The following SPIDR variants were observed in gnomAD, a reference collection of about 807,000 sequenced individuals.
The protein encoded by SPIDR is DNA repair-scaffolding protein.
SPIDR carries 93 observed loss-of-function variants against 104.6 expected under a neutral mutation model. The observed-to-expected ratio is 0.89, with a 90% CI of 0.75 to 1.06. The LOEUF (loss-of-function observed/expected upper bound fraction) is 1.06, where lower values mean the gene tolerates loss of function less well. Ranked by LOEUF, SPIDR falls within the 50% of genes least tolerant of loss-of-function variation. The pLI is 0.00. For synonymous variants in SPIDR, 431 were observed against 416.9 expected, an observed-to-expected ratio of 1.03 and a Z score of -0.41; for missense variants, 1,154 against 1,111.2, an observed-to-expected ratio of 1.04 and a Z score of -0.55.
chr8:47,578,164 T>C (rs2059335733), intron 8 of SPIDR, among the ~76,000 whole-genome samples: 1 of 152,212 alleles, frequency 6.6e-6, no homozygotes, highest in Non-Finnish European at 1.5e-5. Flanking sequence ...TAAAGGTTGC[T>C]ACTCATGATT....
chr8:47,645,583 A>G (rs1466667471), intron 10 of SPIDR, among the ~76,000 whole-genome samples: 1 of 152,218 alleles, frequency 6.6e-6, no homozygotes, highest in Non-Finnish European at 1.5e-5. Context: ...ACACTGTAAG[A>G]TAAATAACAT....
At chr8:47,277,079 C>CA (rs2036583447) in intron 1 of SPIDR, 1 of 152,094 alleles carries the variant, frequency 6.6e-6, no homozygotes, top group Non-Finnish European at 1.5e-5. Context: ...CAGGCATGCG[C>CA]CACCACGCCT....
At chr8:47,484,036 G>A (rs1465462789) in intron 8 of SPIDR, among the ~76,000 whole-genome samples, 4 of 152,064 alleles carry the variant, frequency 2.6e-5, no homozygotes, top group Non-Finnish European at 4.4e-5. Flanking sequence ...CGATTTCTAT[G>A]ATTGTCTATT....
rs1031115203 is a variant in SPIDR at position 47,293,105 on chromosome 8, G to C, written c.362-762G>C. Among the ~76,000 whole-genome samples the C allele has an allele frequency of 1.8e-4, 27 of 152,048 alleles. 1 individual carries two copies. Among genetic ancestry groups the C allele is most frequent in the Non-Finnish European group, 2.9e-5 (2 of 68,012 alleles). On this transcript the variant is annotated intron_variant, in intron 4 of 19. Coordinates refer to ENST00000297423, the MANE Select transcript of SPIDR (RefSeq NM_001080394.4). ...CATCTGCTTCTCTCAGTGGTGGTCT[G>C]ACCTTCGGTCTGTTATGATCATTAT...
chr8:47,361,402 G>A (rs934807980), intron 5 of SPIDR, among the ~76,000 whole-genome samples: 2 of 152,214 alleles, frequency 1.3e-5, no homozygotes, highest in African/African-American at 4.8e-5. Flanking sequence ...GGGCCTGGGT[G>A]GGGATGGGCA....
At chr8:47,439,774 T>G (rs2069042729) in intron 7 of SPIDR, among the ~76,000 whole-genome samples, 2 of 152,222 alleles carry the variant, frequency 1.3e-5, no homozygotes, top group African/African-American at 4.8e-5. Context: ...AAACCAGCAC[T>G]TGAATCCAGA....
chr8:47,266,054 GT>G (rs60569421), intron 1 of SPIDR, among the ~76,000 whole-genome samples: 2,739 of 139,374 alleles, frequency 0.02, 82 homozygotes, highest in African/African-American at 0.067. Context: ...CCGGTCTGAA[GT>G]TTTTTTTTTT....
intron 3 of SPIDR, among the ~76,000 whole-genome samples, chr8:47,285,095 A>G (rs902935024): frequency 8.3e-4 from 126 of 152,322 alleles, no homozygotes; most frequent in African/African-American, 2.9e-3. Context: ...ATATTAAGTG[A>G]GCTAAAAATA....
intron 7 of SPIDR, among the ~76,000 whole-genome samples, chr8:47,427,387 G>C (rs1300536745): frequency 1.3e-5 from 2 of 151,774 alleles, no homozygotes; most frequent in Non-Finnish European, 2.9e-5. Flanking sequence ...TAGGGAGATA[G>C]ATGTGAAGTG....
chr8:47,598,175 G>T (rs2061838820), intron 9 of SPIDR, among the ~76,000 whole-genome samples: 1 of 152,110 alleles, frequency 6.6e-6, no homozygotes, highest in Non-Finnish European at 1.5e-5. Flanking sequence ...ATTCATTTTT[G>T]TCCTGTGACA....
intron 5 of SPIDR, among the ~76,000 whole-genome samples, chr8:47,349,474 A>T (rs1039146965): frequency 2.0e-5 from 3 of 152,190 alleles, no homozygotes; most frequent in Non-Finnish European, 4.4e-5. Flanking sequence ...CTCAAACTCC[A>T]TTCTAGGAGA....
intron 11 of SPIDR, among the ~76,000 whole-genome samples, chr8:47,682,299 C>T (rs949552800): frequency 1.3e-5 from 2 of 150,618 alleles, no homozygotes; most frequent in Non-Finnish European, 2.9e-5. Flanking sequence ...GGTCTCATGC[C>T]TTGTGACTCC....
chr8:47,653,735 A>T (rs2072127064), intron 10 of SPIDR, among the ~76,000 whole-genome samples: 1 of 152,272 alleles, frequency 6.6e-6, no homozygotes, highest in Non-Finnish European at 1.5e-5. Context: ...TCTCTGAGCT[A>T]AGGGCTCTGA....
chr8:47,493,483 T>C (rs549349985), intron 8 of SPIDR, among the ~76,000 whole-genome samples: 1 of 152,342 alleles, frequency 6.6e-6, no homozygotes, highest in South Asian at 2.1e-4. Context: ...TTTTTAACAC[T>C]TCAGGATCAA....
At position 47,486,641 on chromosome 8, in the gene SPIDR, C is replaced by A. The variant is rs535307953; in HGVS notation, c.1097+46099C>A. Among the ~76,000 whole-genome samples, 16 of 152,350 alleles carry A rather than the reference C, an allele frequency of 1.1e-4. No individual in the cohort carries two copies. The South Asian group carries it at 3.1e-3, about 30-fold the overall frequency. On this transcript the variant is annotated intron_variant, in intron 8 of 19. Transcript: ENST00000297423. ...CACAAAGGGAAGCCCATCAGACTAA[C>A]AGCGGATCTCTCGGCAGACACTCCG...
At chr8:47,291,241 G>A in intron 4 of SPIDR, 104 bp downstream of exon 4, 1 of 673,704 alleles carries the variant, frequency 1.5e-6, no homozygotes, top group Non-Finnish European at 2.4e-6. Context: ...TAGGAATCCA[G>A]TTTCTGTTAA....
intron 5 of SPIDR, chr8:47,294,388 C>T (rs2040466695): frequency 4.9e-6 from 1 of 203,474 alleles, no homozygotes; most frequent in South Asian, 9.7e-5. Flanking sequence ...TCCACGAGTC[C>T]TCTCCCAGTG....
chr8:47,276,621 G>C (rs1283456195), intron 1 of SPIDR, among the ~76,000 whole-genome samples: 1 of 152,204 alleles, frequency 6.6e-6, no homozygotes, highest in Non-Finnish European at 1.5e-5. Context: ...GGAAAGGCTA[G>C]TAAAGAATTT....
At chr8:47,333,789 C>T (rs1009328611) in intron 5 of SPIDR, among the ~76,000 whole-genome samples, 12 of 152,166 alleles carry the variant, frequency 7.9e-5, no homozygotes, top group Non-Finnish European at 1.3e-4. Flanking sequence ...TATAAGGTTA[C>T]AACTGCCATG....
Sources: allele counts gnomAD v4.1 joint callset (sites outside exome capture counted in the v4.1 genomes callset), GRCh38; gene constraint gnomAD v4.1.1; transcripts MANE v1.5; gene names NCBI Gene and HGNC (gene_info 2026-07-23, HGNC 2026-07-21).